The following METTL3 variants were observed in gnomAD, a reference collection of about 807,000 sequenced individuals.
METTL3 encodes the protein N(6)-adenosine-methyltransferase catalytic subunit METTL3.
In METTL3, 42 loss-of-function variants were observed where a neutral mutation model predicts 64.3. The observed-to-expected ratio is 0.65, with a 90% CI of 0.51 to 0.84. METTL3 has a LOEUF of 0.84. METTL3 is among the 40% of genes least tolerant of loss of function. The pLI is 0.00. For missense variants in METTL3, 435 were observed against 722.3 expected (o/e 0.60, Z 4.56); for synonymous variants, 256 against 263.6 (o/e 0.97, Z 0.28).
At chr14:21,502,269 G>A (rs966602) in intron 3 of METTL3, 84,122 of 179,314 alleles carry the variant, frequency 0.47, 20,114 homozygotes, top group East Asian at 0.58. Context: ...GGTGATCCTC[G>A]CGCCTTGGCC....
chr14:21,501,275 G>A, intron 4 of METTL3, 146 bp from the exon 5 acceptor site: 1 of 643,212 alleles, frequency 1.6e-6, no homozygotes. Flanking sequence ...AGGGAGGCAG[G>A]TAGCATGGAA....
chr14:21,511,089 G>A (rs200966659), intron 1 of METTL3, 35 bp downstream of exon 1: 8 of 1,607,716 alleles, frequency 5.0e-6, no homozygotes, highest in Non-Finnish European at 6.8e-6. Context: ...CGTCCTCCCC[G>A]GTTGAGCCTC....
rs1415229310 is a variant in METTL3 at position 21,503,555 on chromosome 14, T to C, written c.341A>G (p.Asp114Gly). Residue 114 changes from aspartate to glycine, a missense_variant, in exon 3 of 11, where the codon GAT becomes GGT. Around this residue, in one of 9 missense-constraint regions of METTL3, gnomAD observed 228 missense variants for 279.6 expected, o/e 0.82. Coordinates refer to ENST00000298717, the MANE Select transcript of METTL3 (RefSeq NM_019852.5). ...CTTCTGCAGGAGGCTTTCTACCCCA[T>C]CTTGAGTGGCAGGAGCATCTGGCTA... ...ISTPDAPATQ[D>G]GVESLLQKFA... 1 of 1,612,750 alleles carries C rather than the reference T, an allele frequency of 6.2e-7. No homozygotes were observed. The highest frequency in any genetic ancestry group is 8.5e-7 in the Non-Finnish European group (1 of 1,179,766).
chr14:21,501,173 A>C (rs754418369), intron 4 of METTL3, 44 bp from the exon 5 acceptor site: 1 of 1,430,564 alleles, frequency 7.0e-7, no homozygotes, highest in Non-Finnish European at 9.8e-7. Context: ...CTCCAGATGT[A>C]GATCCAACAG....
Position 21,500,906 on chromosome 14 carries a change from C to T in METTL3, c.1116+7G>A, listed in dbSNP as rs1566491710. On this transcript the variant is annotated splice_region_variant and intron_variant, in intron 5 of 10. Coordinates refer to ENST00000298717, the MANE Select transcript of METTL3 (RefSeq NM_019852.5). ...AGTTGAGACGAGTTTTCTGAGCAGACAGGTACCTGAGGTGGGAAGAGTCGG... is the reference window on the plus strand; with the variant it reads ...AGTTGAGACGAGTTTTCTGAGCAGATAGGTACCTGAGGTGGGAAGAGTCGG... The T allele has an allele frequency of 6.2e-7, 1 of 1,611,356 alleles. No individual in the cohort carries two copies. Among genetic ancestry groups the T allele is most frequent in the Non-Finnish European group, 8.5e-7 (1 of 1,178,046 alleles).
At chr14:21,511,092 T>A (rs749526453) in intron 1 of METTL3, 32 bp downstream of exon 1, 23 of 1,609,336 alleles carry the variant, frequency 1.4e-5, no homozygotes, top group Admixed American at 5.1e-5. Flanking sequence ...CCTCCCCGGT[T>A]GAGCCTCGGC....
chr14:21,499,888 C>CA (rs1891515073), intron 6 of METTL3, 86 bp from the exon 7 acceptor site: 2 of 1,285,786 alleles, frequency 1.6e-6, no homozygotes, highest in Non-Finnish European at 2.2e-6. Flanking sequence ...ACACTATAAA[C>CA]ACTTTTTCAG....
At chr14:21,500,400 A>T in intron 6 of METTL3, 95 bp downstream of exon 6, 1 of 1,239,436 alleles carries the variant, frequency 8.1e-7, no homozygotes, top group Non-Finnish European at 1.2e-6. Context: ...TCATACATTT[A>T]ATAGTGGGGC....
intron 9 of METTL3, 51 bp from the exon 10 acceptor site, chr14:21,499,188 AG>A: frequency 6.3e-7 from 1 of 1,581,084 alleles, no homozygotes; most frequent in Non-Finnish European, 8.7e-7. Context: ...TTGCAATTCT[AG>A]CCCTTTCTAT....
In METTL3 at chr14:21,499,230, G is replaced by T. The variant is rs1343745026; in HGVS notation, c.1518+76C>A. The T allele has an allele frequency of 5.0e-6, 8 of 1,591,456 alleles. No individual in the cohort carries two copies. In the Admixed American group the frequency reaches 6.7e-5, roughly 13 times the overall value. On this transcript the variant is annotated intron_variant, in intron 9 of 10. Transcript: ENST00000298717. ...TTATGATCTAAATGAGAAAAATCTG[G>T]GATGAGAATACACCCAACATGAATA... is the stretch of plus-strand genomic sequence containing the variant.
Position 21,503,290 on chromosome 14 carries a change from T to A in METTL3, c.606A>T (p.Ala202=). 6.2e-7 allele frequency: 1 copy of A among 1,614,198 alleles called. No individual in the cohort carries two copies. The highest frequency in any genetic ancestry group is 8.5e-7 in the Non-Finnish European group (1 of 1,180,036). The change falls in exon 3 of 11, where the codon GCA becomes GCT. Residue 202 remains alanine (A), a synonymous_variant. Coordinates refer to ENST00000298717, the MANE Select transcript of METTL3 (RefSeq NM_019852.5). The stretch of plus-strand genomic sequence containing the variant: ...TGGCTGGCTCCTTTGCTGGTTCCGA[T>A]GCTGAAGAGTTCAGACCAGAGACTA... The part of the protein sequence containing the change: ...SSLVSGLNSS[A]SEPAKEPAKK...
At chr14:21,504,508 T>C (rs4417466) in intron 1 of METTL3, 69,143 of 152,218 alleles carry the variant, frequency 0.45, 16,029 homozygotes, top group African/African-American at 0.54. Context: ...CAAAATGTTA[T>C]CTTTGAGAAA....
rs117594113 is a variant in METTL3 at position 21,506,192 on chromosome 14, A to G, written c.101-2311T>C. Among the ~76,000 whole-genome samples the G allele has an allele frequency of 6.8e-3, 1,029 of 152,206 alleles. 3 individuals carry two copies. Among genetic ancestry groups the G allele is most frequent in the Non-Finnish European group, 0.011 (723 of 68,016 alleles). ...CACCCATTAGGATGGCGCTTCCTCA[A>G]AAATCAAAAATAGAATTACCATATG... On this transcript the variant is annotated intron_variant, in intron 1 of 10. Transcript: ENST00000298717.
At chr14:21,504,475 G>A (rs773942192) in intron 1 of METTL3, 3 of 152,174 alleles carry the variant, frequency 2.0e-5, no homozygotes, top group East Asian at 1.9e-4. Context: ...CCTTAATAAC[G>A]ATTTGAGAAA....
Position 21,500,917 on chromosome 14 carries a change from G to C in METTL3, c.1112C>G (p.Pro371Arg). ...GDSSADRLFP[P>R]QWICCDIRYL... ...GTTTTCTGAGCAGACAGGTACCTGAGGTGGGAAGAGTCGGTCTGCACTGGA... is the reference window on the plus strand; with the variant it reads ...GTTTTCTGAGCAGACAGGTACCTGACGTGGGAAGAGTCGGTCTGCACTGGA... The change falls in exon 5 of 11, where the codon CCT becomes CGT. Residue 371 changes from proline (P) to arginine (R), a missense_variant. Coordinates refer to ENST00000298717, the MANE Select transcript of METTL3 (RefSeq NM_019852.5). 3.7e-6 allele frequency: 6 copies of C among 1,613,176 alleles called. No individual in the cohort carries two copies. Among genetic ancestry groups the C allele is most frequent in the Non-Finnish European group, 5.1e-6 (6 of 1,179,318 alleles).
chr14:21,502,000 G>A (rs1006869011), intron 3 of METTL3, 97 bp from the exon 4 acceptor site: 3 of 855,152 alleles, frequency 3.5e-6, no homozygotes, highest in Non-Finnish European at 3.5e-6. Context: ...TGTCTTCTAA[G>A]AGATAAATCA....
In METTL3 at chr14:21,511,129, T is replaced by C. The variant is rs766016498; in HGVS notation, c.95A>G (p.His32Arg). Reference sequence around the variant, plus strand: ...CCAACAGCCCAGTGCCTCACCCAAGTGCCCCGAGTCCTGCTTCCGCCTCCG... The same window carrying C: ...CCAACAGCCCAGTGCCTCACCCAAGCGCCCCGAGTCCTGCTTCCGCCTCCG... Reference protein sequence around the residue: ...LQRRRKQDSGHLDLRNPEAAL... With the variant: ...LQRRRKQDSGRLDLRNPEAAL... The change falls in exon 1 of 11, where the codon CAC (histidine) becomes CGC (arginine). Residue 32 changes from histidine (H) to arginine (R), a missense_variant. Physicochemically the swap from His to Arg is conservative, Grantham distance 29. Transcript: ENST00000298717. 2.5e-6 allele frequency: 4 copies of C among 1,614,004 alleles called. No homozygotes were observed. The Admixed American group carries it at 6.7e-5, about 27-fold the overall frequency.
Position 21,499,767 on chromosome 14 carries a change from CA to C in METTL3, c.1339del (p.Trp447GlyfsTer6). 6.2e-7 allele frequency: 1 copy of C among 1,613,002 alleles called. No individual in the cohort carries two copies. On this transcript the variant is annotated frameshift_variant, in exon 7 of 11. Transcript: ENST00000298717. LOFTEE classifies it high-confidence loss of function. The stretch of plus-strand genomic sequence containing the variant: ...AAGCAACACAACCACTACTTACCCC[CA>C]GAGGTTTAGACATTCTCTCCCCAAC... ...MELGRECLNL[W>X]GYERVDEIIW... is the part of the protein sequence containing the mutation.
intron 1 of METTL3, 38 bp downstream of exon 1, chr14:21,511,086 C>G: frequency 6.2e-7 from 1 of 1,607,038 alleles, no homozygotes; most frequent in Non-Finnish European, 8.5e-7. Flanking sequence ...GCCCGTCCTC[C>G]CCGGTTGAGC....
Sources: gnomAD v4.1 joint callset for allele counts (sites outside exome capture counted in the v4.1 genomes callset) on GRCh38, gnomAD v4.1.1 for gene constraint, gnomAD v4.1.1 regional missense constraint, MANE v1.5 for transcripts, NCBI Gene and HGNC (gene_info 2026-07-23, HGNC 2026-07-21) for gene names.